Variants in CGREF1 observed in about 807,000 individuals in gnomAD.
CGREF1 encodes cell growth regulator with EF hand domain protein 1.
Under a neutral mutation model 17.4 loss-of-function variants are expected in CGREF1, and 16 were observed. That is an observed-to-expected ratio of 0.92 (90% confidence interval 0.62 to 1.40). The LOEUF is 1.40. Ranked by LOEUF, CGREF1 falls within the 40% of genes most tolerant of loss-of-function variation. The pLI is 0.00. For missense variants in CGREF1, 296 were observed against 376.4 expected, an observed-to-expected ratio of 0.79 and a Z score of 1.77; for synonymous variants, 142 against 154.6, an observed-to-expected ratio of 0.92 and a Z score of 0.61.
At chr2:27,109,399 CA>C (rs1259497436) in intron 1 of CGREF1, among the ~76,000 whole-genome samples, 1 of 147,710 alleles carries the variant, frequency 6.8e-6, no homozygotes. Flanking sequence ...GTTTGAAATG[CA>C]AGAAAACATG....
At chr2:27,103,202 G>A in intron 2 of CGREF1, 1 of 764,486 alleles carries the variant, frequency 1.3e-6, no homozygotes, top group Non-Finnish European at 1.6e-6. Flanking sequence ...GCTGGCAGGA[G>A]TTGCAGCGAC....
Position 27,103,441 on chromosome 2 carries a change from C to T in CGREF1, c.80+846G>A, listed in dbSNP as rs1174021942. On this transcript the variant is annotated intron_variant, in intron 2 of 5. Transcript: ENST00000402394. ...CAGGCTGAGTGCAGTGGCTTGATCT[C>T]GGCTCACTGCAACTTCCACCTCCCG... Among the ~76,000 whole-genome samples the T allele has an allele frequency of 4.6e-5, 7 of 151,852 alleles. No individual in the cohort carries two copies. In the East Asian group the frequency reaches 7.8e-4, roughly 17 times the overall value.
chr2:27,103,397 A>G (rs1395022416), intron 2 of CGREF1, among the ~76,000 whole-genome samples: 7 of 150,892 alleles, frequency 4.6e-5, no homozygotes, highest in Admixed American at 4.6e-4. Flanking sequence ...TTTCTGAGAT[A>G]GAGTCTCGCT....
Position 27,104,923 on chromosome 2 carries a change from C to G in CGREF1, c.-11-546G>C, listed in dbSNP as rs1671059654. On this transcript the variant is annotated intron_variant, in intron 1 of 5. Coordinates refer to ENST00000402394, the MANE Select transcript of CGREF1 (RefSeq NM_006569.6). ...AAATAGGTCTAAACTCAAGTACAAA[C>G]TGCAAACACAATAAATCAGGGTCAG... Among the ~76,000 whole-genome samples the G allele has an allele frequency of 3.3e-5, 5 of 152,224 alleles. No individual in the cohort carries two copies. The South Asian group carries it at 1.0e-3, about 31-fold the overall frequency.
At chr2:27,109,958 T>TG in intron 1 of CGREF1, among the ~76,000 whole-genome samples, 1 of 140,778 alleles carries the variant, frequency 7.1e-6, no homozygotes, top group East Asian at 2.1e-4. Flanking sequence ...AGAACTGGAA[T>TG]GTATAGCCTC....
downstream of CGREF1, chr2:27,099,612 A>C (rs751705633): frequency 1.2e-6 from 2 of 1,613,888 alleles, no homozygotes; most frequent in Non-Finnish European, 8.5e-7. Context: ...AAGGACTGGG[A>C]CCTGTCCCTG....
Position 27,101,267 on chromosome 2 carries a change from T to C in CGREF1, c.*7A>G. On this transcript the variant is annotated 3_prime_UTR_variant, in exon 6 of 6. Coordinates refer to ENST00000402394, the MANE Select transcript of CGREF1 (RefSeq NM_006569.6). ...GAGACTTCGTGGGGTACCTGTATCTTCAAGATCTAGATCTCATCATTCTCC... is the reference window on the plus strand; with the variant it reads ...GAGACTTCGTGGGGTACCTGTATCTCCAAGATCTAGATCTCATCATTCTCC... 1 of 1,534,280 alleles carries C rather than the reference T, an allele frequency of 6.5e-7. No individual in the cohort carries two copies. The highest frequency in any genetic ancestry group is 1.3e-5 in the South Asian group (1 of 77,892).
downstream of CGREF1, chr2:27,100,571 A>AGG: frequency 7.8e-7 from 1 of 1,283,058 alleles, no homozygotes; most frequent in South Asian, 1.2e-5. Context: ...TATAATGTAA[A>AGG]GGGCTTTAGA....
chr2:27,108,219 C>T (rs977559802), intron 1 of CGREF1, among the ~76,000 whole-genome samples: 1 of 151,872 alleles, frequency 6.6e-6, no homozygotes, highest in Non-Finnish European at 1.5e-5. Context: ...CACCCCACTG[C>T]GCTCCAGCCT....
At chr2:27,103,688 G>A (rs1356619185) in intron 2 of CGREF1, among the ~76,000 whole-genome samples, 1 of 149,268 alleles carries the variant, frequency 6.7e-6, no homozygotes, top group Non-Finnish European at 1.5e-5. Context: ...TCAAGGTCTT[G>A]ATAACAAAAC....
rs1670781373 is a variant in CGREF1, at chr2:27,100,891, G to C, written c.*383C>G. 1 of 1,093,212 alleles carries C rather than the reference G, an allele frequency of 9.1e-7. No homozygotes were observed. The highest frequency in any genetic ancestry group is 4.8e-5 in the Admixed American group (1 of 21,030). The allele number at this position is 1,093,212 out of a possible 1,614,324, so 67.7% of individuals were successfully genotyped here. A position where few individuals can be genotyped will look rare whatever the true frequency, so the allele number is the denominator to read the frequency against. On this transcript the variant is annotated 3_prime_UTR_variant, in exon 6 of 6. Transcript: ENST00000402394. The stretch of plus-strand genomic sequence containing the variant: ...GAACCGGTGAGGGTTTGGGGCCCAG[G>C]GATAGACTGAGCTTTCCTCACTGGG...
chr2:27,104,561 A>G (rs1671043651), intron 1 of CGREF1, 184 bp from the exon 2 acceptor site: 1 of 1,550,648 alleles, frequency 6.4e-7, no homozygotes, highest in Non-Finnish European at 8.7e-7. Context: ...TGCTCAAAAT[A>G]AATGTCACTC....
At chr2:27,099,663 A>G, downstream of CGREF1, 2 of 1,613,982 alleles carry the variant, frequency 1.2e-6, no homozygotes, top group Non-Finnish European at 1.7e-6. Flanking sequence ...CCCCTCCTCC[A>G]GGGAGGAGCG....
rs11314590 is a variant in CGREF1, at chr2:27,109,371, T to TAA, written c.-11-4996_-11-4995dup. 6.9e-3 allele frequency among the ~76,000 whole-genome samples: 924 copies of TAA among 133,842 alleles called. 6 individuals carry two copies. The highest frequency in any genetic ancestry group is 0.01 in the East Asian group (47 of 4,488). The allele number at this position is 133,842 out of a possible 152,430, so 87.8% of individuals were successfully genotyped here. A position where few individuals can be genotyped will look rare whatever the true frequency, so the allele number is the denominator to read the frequency against. On this transcript the variant is annotated intron_variant, in intron 1 of 5. Transcript: ENST00000402394. ...TGGGCAACAGAGCAAGACCCTGTCT[T>TAA]AAAAAAAAAAAAAAAGGGTTTGAAA...
intron 1 of CGREF1, among the ~76,000 whole-genome samples, chr2:27,118,525 G>A (rs1671673186): frequency 6.6e-6 from 1 of 152,140 alleles, no homozygotes; most frequent in Non-Finnish European, 1.5e-5. Context: ...GGATGAGGGG[G>A]AAAGCTCCCG....
intron 1 of CGREF1, among the ~76,000 whole-genome samples, chr2:27,118,272 C>A (rs963249446): frequency 6.6e-6 from 1 of 152,188 alleles, no homozygotes; most frequent in East Asian, 1.9e-4. Flanking sequence ...TAGCACCTCA[C>A]AGGCCGGCAG....
chr2:27,101,998 T>C, intron 5 of CGREF1, 99 bp downstream of exon 5: 1 of 1,558,240 alleles, frequency 6.4e-7, no homozygotes, highest in East Asian at 2.3e-5. Flanking sequence ...TGAGCCCTCC[T>C]TTTACAGAGG....
At position 27,110,059 on chromosome 2, in the gene CGREF1, G is replaced by C. The variant is rs992921543; in HGVS notation, c.-11-5682C>G. ...AATAAAAGCAGGAAAAGATGAAAAA[G>C]AAGAAATAAAAAGTAAAGGCTGGGT... On this transcript the variant is annotated intron_variant, in intron 1 of 5. Transcript: ENST00000402394. Among the ~76,000 whole-genome samples the C allele has an allele frequency of 5.9e-5, 9 of 151,654 alleles. No homozygotes were observed. In the East Asian group the frequency reaches 1.6e-3, roughly 26 times the overall value.
intron 1 of CGREF1, among the ~76,000 whole-genome samples, chr2:27,110,032 G>A (rs1350834452): frequency 1.3e-5 from 2 of 150,972 alleles, no homozygotes; most frequent in Non-Finnish European, 2.9e-5. Flanking sequence ...AGAAAAAGAA[G>A]AAATAAAAGC....
Sources: allele counts gnomAD v4.1 joint callset (sites outside exome capture counted in the v4.1 genomes callset), GRCh38; gene constraint gnomAD v4.1.1; transcripts MANE v1.5; gene names NCBI Gene and HGNC (gene_info 2026-07-23, HGNC 2026-07-21).